NLN: variants seen among roughly 807,000 people sequenced by gnomAD.
NLN encodes neurolysin, also known as neurolysin, mitochondrial.
In NLN, 64 loss-of-function variants were observed where a neutral mutation model predicts 79.9. The observed-to-expected ratio is 0.80, with a 90% CI of 0.65 to 0.99. NLN has a LOEUF of 0.99. Ranked by LOEUF, NLN falls within the 50% of genes least tolerant of loss-of-function variation. The pLI is 0.00. For missense variants in NLN, 835 were observed against 858.7 expected (o/e 0.97, Z 0.34); for synonymous variants, 267 against 296.6 (o/e 0.90, Z 1.02).
intron 12 of NLN, chr5:65,818,618 AT>A (rs1760725609): frequency 6.6e-6 from 1 of 152,140 alleles, no homozygotes; most frequent in Non-Finnish European, 1.5e-5. Flanking sequence ...ATTTTTGTCC[AT>A]TCAAGATCTC....
intron 3 of NLN, among the ~76,000 whole-genome samples, chr5:65,773,820 G>A (rs1386324274): frequency 6.6e-6 from 1 of 152,098 alleles, no homozygotes; most frequent in Non-Finnish European, 1.5e-5. Context: ...GCATGTGCCT[G>A]TAATCCCAGC....
At chr5:65,722,518 A>AGGGAG in intron 1 of NLN, 104 bp downstream of exon 1, 1 of 1,093,936 alleles carries the variant, frequency 9.1e-7, no homozygotes, top group African/African-American at 1.6e-5. Flanking sequence ...CGCCTCTCCG[A>AGGGAG]CGCTCCCGGG....
rs1252785382 is a variant in NLN at position 65,739,030 on chromosome 5, A to T, written c.41+16616A>T. Among the ~76,000 whole-genome samples the T allele has an allele frequency of 2.2e-5, 3 of 135,070 alleles. No individual in the cohort carries two copies. In the South Asian group the frequency reaches 6.6e-4, roughly 30 times the overall value. 88.6% of individuals were successfully genotyped at this position (135,070 alleles called of 152,430 possible). A position where few individuals can be genotyped will look rare whatever the true frequency, so the allele number is the denominator to read the frequency against. ...TATATATTTATATATATAAATATAT[A>T]ATATATATATAAAAAATATATATAA... On this transcript the variant is annotated intron_variant, in intron 1 of 12. Coordinates refer to ENST00000380985, the MANE Select transcript of NLN (RefSeq NM_020726.5).
chr5:65,805,226 G>T (rs2150771513), intron 9 of NLN, among the ~76,000 whole-genome samples: 1 of 152,240 alleles, frequency 6.6e-6, no homozygotes, highest in African/African-American at 2.4e-5. Flanking sequence ...AATTAGATTA[G>T]TCAATAACCC....
chr5:65,767,367 G>A (rs1322860343), intron 3 of NLN, among the ~76,000 whole-genome samples: 1 of 152,234 alleles, frequency 6.6e-6, no homozygotes, highest in Non-Finnish European at 1.5e-5. Context: ...CTTGCGTCCT[G>A]TGAAGCAATG....
intron 3 of NLN, among the ~76,000 whole-genome samples, chr5:65,771,678 T>C (rs1759568987): frequency 6.6e-6 from 1 of 152,162 alleles, no homozygotes; most frequent in African/African-American, 2.4e-5. Context: ...ATGTAATCTC[T>C]CCTACTTGAC....
chr5:65,728,502 C>T (rs1758529559), intron 1 of NLN, among the ~76,000 whole-genome samples: 2 of 152,284 alleles, frequency 1.3e-5, no homozygotes, highest in East Asian at 3.9e-4. Flanking sequence ...GGCATGCATA[C>T]CTTTCAGGTC....
At chr5:65,771,612 T>C (rs1335378396) in intron 3 of NLN, among the ~76,000 whole-genome samples, 1 of 152,212 alleles carries the variant, frequency 6.6e-6, no homozygotes, top group Non-Finnish European at 1.5e-5. Flanking sequence ...AGGAAAGCTT[T>C]AATGTTACAG....
intron 9 of NLN, among the ~76,000 whole-genome samples, chr5:65,801,235 A>T (rs1033518706): frequency 1.3e-5 from 2 of 152,218 alleles, no homozygotes; most frequent in African/African-American, 4.8e-5. Context: ...ATAAGCAACT[A>T]TTACCAACAC....
At chr5:65,753,631 T>C (rs1049294693) in intron 1 of NLN, among the ~76,000 whole-genome samples, 2 of 148,284 alleles carry the variant, frequency 1.3e-5, no homozygotes, top group Admixed American at 6.8e-5. Flanking sequence ...ACCTAGGGGA[T>C]AGAGTGAGAC....
intron 9 of NLN, among the ~76,000 whole-genome samples, chr5:65,803,669 G>A (rs545879158): frequency 1.4e-4 from 22 of 152,150 alleles, no homozygotes; most frequent in Middle Eastern, 3.4e-3. Context: ...TTAGGAAACC[G>A]CAGCTGTGCC....
intron 1 of NLN, among the ~76,000 whole-genome samples, chr5:65,731,637 G>A (rs1354054016): frequency 6.6e-6 from 1 of 150,562 alleles, no homozygotes; most frequent in African/African-American, 2.4e-5. Context: ...TTTTTATACA[G>A]TCAGAAATAT....
At chr5:65,772,450 C>T (rs1561195271) in intron 3 of NLN, among the ~76,000 whole-genome samples, 1 of 152,092 alleles carries the variant, frequency 6.6e-6, no homozygotes, top group African/African-American at 2.4e-5. Flanking sequence ...GTGAATCTTG[C>T]GATGGCATAT....
At chr5:65,731,585 GTTGCTTT>G (rs1758609024) in intron 1 of NLN, among the ~76,000 whole-genome samples, 1 of 151,868 alleles carries the variant, frequency 6.6e-6, no homozygotes, top group African/African-American at 2.4e-5. Flanking sequence ...GTAGATTATT[GTTGCTTT>G]TTGCTTTTTT....
chr5:65,771,199 A>T (rs1759558522), intron 3 of NLN, among the ~76,000 whole-genome samples: 1 of 152,218 alleles, frequency 6.6e-6, no homozygotes, highest in South Asian at 2.1e-4. Context: ...AAGCAGTGAA[A>T]ACAAGGACTT....
Position 65,758,679 on chromosome 5 carries a change from C to A in NLN, c.154C>A (p.Leu52Ile), listed in dbSNP as rs757570494. ...VAGRNVLRWD[L>I]SPEQIKTRTE... ...TGGCAGAAATGTTTTAAGATGGGAT[C>A]TTTCACCAGAGCAAATTAAAACAAG... The change falls in exon 2 of 13, where the codon CTT becomes ATT. Residue 52 changes from leucine to isoleucine, a missense_variant. By Grantham distance (5) the Leu-to-Ile change is conservative. Coordinates refer to ENST00000380985, the MANE Select transcript of NLN (RefSeq NM_020726.5). The A allele has an allele frequency of 6.2e-7, 1 of 1,613,752 alleles. No individual in the cohort carries two copies. Among genetic ancestry groups the A allele is most frequent in the Non-Finnish European group, 8.5e-7 (1 of 1,179,810 alleles).
At chr5:65,733,990 A>G (rs1579908405) in intron 1 of NLN, among the ~76,000 whole-genome samples, 1 of 133,410 alleles carries the variant, frequency 7.5e-6, no homozygotes, top group East Asian at 2.0e-4. Context: ...CTCTGCCTCC[A>G]GGGTTCATGC....
Position 65,824,747 on chromosome 5 carries a change from C to CAAATG in NLN, c.*1832_*1833insAAATG, listed in dbSNP as rs1760880737. The CAAATG allele has an allele frequency of 6.6e-6, 1 of 152,158 alleles. No individual in the cohort carries two copies. The highest frequency in any genetic ancestry group is 2.4e-5 in the African/African-American group (1 of 41,426). The allele number at this position is 152,158 out of a possible 1,614,324, so 9.4% of individuals were successfully genotyped here. ...ACCGAAATGCATGAGAGCAAAAGCA[C>CAAATG]CATGGTGTTCTTTCTATTTAGGGCC... On this transcript the variant is annotated 3_prime_UTR_variant, in exon 13 of 13. Transcript: ENST00000380985.
Position 65,771,362 on chromosome 5 carries a change from C to G in NLN, c.451-6065C>G, listed in dbSNP as rs182546894. ...CAAGAAGATTTCATACCTGCTCTTT[C>G]CAGCCATTTTGGCGAGAAAAATGTA... On this transcript the variant is annotated intron_variant, in intron 3 of 12. Transcript: ENST00000380985. 4.3e-3 allele frequency among the ~76,000 whole-genome samples: 657 copies of G among 152,246 alleles called. 2 individuals are homozygous for G. Among genetic ancestry groups the G allele is most frequent in the Non-Finnish European group, 6.4e-3 (437 of 68,010 alleles).
Sources: gnomAD v4.1 joint callset for allele counts (sites outside exome capture counted in the v4.1 genomes callset) on GRCh38, gnomAD v4.1.1 for gene constraint, MANE v1.5 for transcripts, NCBI Gene and HGNC (gene_info 2026-07-23, HGNC 2026-07-21) for gene names.